Variants in CADM1 observed in about 807,000 individuals in gnomAD.
The protein encoded by CADM1 is cell adhesion molecule 1.
CADM1 carries 15 observed loss-of-function variants against 53.1 expected under a neutral mutation model. The ratio of observed to expected loss-of-function variants is 0.28; its 90% CI spans 0.19 to 0.44. The LOEUF is 0.44. Among genes scored for constraint, CADM1 ranks in the 20% least tolerant of loss-of-function variants. The probability of loss-of-function intolerance (pLI) is 1.00; values close to 1 mark genes in which losing one functional copy is unlikely to be tolerated. For missense variants in CADM1, 434 were observed against 611.3 expected (o/e 0.71, Z 3.06); for synonymous variants, 281 against 243.0 (o/e 1.16, Z -1.45).
At chr11:115,264,624 T>G (rs1943076130) in intron 1 of CADM1, among the ~76,000 whole-genome samples, 1 of 152,242 alleles carries the variant, frequency 6.6e-6, no homozygotes, top group South Asian at 2.1e-4. Context: ...TGGAACCAGA[T>G]GGAGCTAGAC....
intron 1 of CADM1, among the ~76,000 whole-genome samples, chr11:115,344,886 T>C (rs1945538066): frequency 6.6e-6 from 1 of 152,124 alleles, no homozygotes. Flanking sequence ...AAAATAAAAA[T>C]ATATTCCCCT....
At chr11:115,193,693 AG>A (rs1393838098) in intron 9 of CADM1, 1 of 152,216 alleles carries the variant, frequency 6.6e-6, no homozygotes, top group Non-Finnish European at 1.5e-5. Flanking sequence ...TTATGGGCTC[AG>A]TTTTTCAGGG....
chr11:115,279,728 TG>T (rs1304256001), intron 1 of CADM1, among the ~76,000 whole-genome samples: 1 of 152,226 alleles, frequency 6.6e-6, no homozygotes, highest in Non-Finnish European at 1.5e-5. Context: ...TTGTCAAGGA[TG>T]GGGTGGGGAC....
chr11:115,194,607 G>A (rs1041914692), intron 9 of CADM1, among the ~76,000 whole-genome samples: 1 of 152,132 alleles, frequency 6.6e-6, no homozygotes, highest in East Asian at 1.9e-4. Flanking sequence ...TGTATTAAGA[G>A]GTGAAAAAGC....
chr11:115,269,907 AG>A (rs1943250050), intron 1 of CADM1, among the ~76,000 whole-genome samples: 1 of 152,208 alleles, frequency 6.6e-6, no homozygotes, highest in Non-Finnish European at 1.5e-5. Flanking sequence ...CCGGTGTCTT[AG>A]GAAGAAAGTT....
intron 1 of CADM1, among the ~76,000 whole-genome samples, chr11:115,390,052 T>G (rs1946795995): frequency 6.6e-6 from 1 of 152,138 alleles, no homozygotes; most frequent in African/African-American, 2.4e-5. Context: ...CACACATTCA[T>G]GAGCCATTAA....
intron 1 of CADM1, among the ~76,000 whole-genome samples, chr11:115,475,218 G>C (rs977519923): frequency 1.3e-5 from 2 of 151,882 alleles, no homozygotes; most frequent in African/African-American, 4.8e-5. Context: ...ATGCTATATA[G>C]TTGTTATACT....
intron 9 of CADM1, among the ~76,000 whole-genome samples, chr11:115,194,594 T>C (rs1940059273): frequency 6.6e-6 from 1 of 152,148 alleles, no homozygotes; most frequent in African/African-American, 2.4e-5. Context: ...CATCAGCCTC[T>C]ACTGTATTAA....
At position 115,201,637 on chromosome 11, in the gene CADM1, A is replaced by G. The variant is rs77707760; in HGVS notation, c.1079-3199T>C. Among the ~76,000 whole-genome samples, 644 of 152,342 alleles carry G rather than the reference A, an allele frequency of 4.2e-3. 5 individuals carry two copies. Among genetic ancestry groups the G allele is most frequent in the African/African-American group, 0.015 (625 of 41,582 alleles). Reference sequence around the variant, plus strand: ...AATTTCAATGTAAGTGATAAATGCTATAATCAGCTTGAAAAATGAAAATGT... The same window carrying G: ...AATTTCAATGTAAGTGATAAATGCTGTAATCAGCTTGAAAAATGAAAATGT... On this transcript the variant is annotated intron_variant, in intron 8 of 11. Coordinates refer to ENST00000331581, the MANE Select transcript of CADM1 (RefSeq NM_001301043.2).
chr11:115,360,340 T>C (rs1945994105), intron 1 of CADM1, among the ~76,000 whole-genome samples: 1 of 152,188 alleles, frequency 6.6e-6, no homozygotes, highest in South Asian at 2.1e-4. Flanking sequence ...TTTATGTTCC[T>C]CGGCATAGAT....
chr11:115,440,897 G>T (rs1449670711), intron 1 of CADM1, among the ~76,000 whole-genome samples: 1 of 151,972 alleles, frequency 6.6e-6, no homozygotes, highest in Non-Finnish European at 1.5e-5. Flanking sequence ...TCCCGCCTTG[G>T]CCTCCAGTGT....
intron 1 of CADM1, among the ~76,000 whole-genome samples, chr11:115,481,745 T>C (rs1949261848): frequency 6.6e-6 from 1 of 152,198 alleles, no homozygotes; most frequent in Non-Finnish European, 1.5e-5. Context: ...CTTCCCACTC[T>C]CTTGATCAGT....
intron 1 of CADM1, among the ~76,000 whole-genome samples, chr11:115,402,294 G>T (rs968175506): frequency 2.0e-5 from 3 of 152,284 alleles, no homozygotes; most frequent in Middle Eastern, 3.4e-3. Context: ...GGAGGCTAAG[G>T]TGGACAGATC....
At chr11:115,464,242 A>G (rs540683661) in intron 1 of CADM1, among the ~76,000 whole-genome samples, 1 of 152,240 alleles carries the variant, frequency 6.6e-6, no homozygotes, top group Non-Finnish European at 1.5e-5. Context: ...AAGGAAGGGA[A>G]AAGTATGTTA....
chr11:115,274,530 G>A (rs1281356695), intron 1 of CADM1, among the ~76,000 whole-genome samples: 1 of 152,204 alleles, frequency 6.6e-6, no homozygotes, highest in Non-Finnish European at 1.5e-5. Context: ...GGGTAATAAT[G>A]CCATTGGCAA....
chr11:115,176,370 C>G lies in CADM1; in HGVS notation c.*104G>C. 6.3e-7 allele frequency: 1 copy of G among 1,597,122 alleles called. No individual in the cohort carries two copies. Among genetic ancestry groups the G allele is most frequent in the Non-Finnish European group, 8.5e-7 (1 of 1,169,610 alleles). On this transcript the variant is annotated 3_prime_UTR_variant, in exon 12 of 12. Transcript: ENST00000331581. ...CTTCCCAGTCTCACACCTTTCCACC[C>G]ATTCATAAAAAAACACACGAATTTC...
At chr11:115,397,195 G>A (rs879854758) in intron 1 of CADM1, 2 of 152,110 alleles carry the variant, frequency 1.3e-5, no homozygotes, top group Admixed American at 1.3e-4. Context: ...ACTAGCAGTT[G>A]TTACTCAGTG....
chr11:115,308,086 A>C (rs1391930526), intron 1 of CADM1, among the ~76,000 whole-genome samples: 1 of 151,558 alleles, frequency 6.6e-6, no homozygotes, highest in Non-Finnish European at 1.5e-5. Context: ...GCCTCAATAA[A>C]ATAAGTCTAC....
At chr11:115,364,796 T>C (rs940294695) in intron 1 of CADM1, among the ~76,000 whole-genome samples, 7 of 152,196 alleles carry the variant, frequency 4.6e-5, no homozygotes, top group Non-Finnish European at 7.3e-5. Flanking sequence ...TCAATTAATA[T>C]ACCACATACA....
Sources: allele counts gnomAD v4.1 joint callset (sites outside exome capture counted in the v4.1 genomes callset), GRCh38; gene constraint gnomAD v4.1.1; transcripts MANE v1.5; gene names NCBI Gene and HGNC (gene_info 2026-07-23, HGNC 2026-07-21).